NALF1: variants seen among roughly 807,000 people sequenced by gnomAD.
The protein encoded by NALF1 is NALCN channel auxiliary factor 1.
NALF1 carries 3 observed loss-of-function variants against 48.4 expected under a neutral mutation model. That is an observed-to-expected ratio of 0.06 (90% CI 0.03 to 0.16). NALF1 has a LOEUF of 0.16. Ranked by LOEUF, NALF1 falls within the 10% of genes least tolerant of loss-of-function variation. The pLI is 1.00. For synonymous variants in NALF1, 262 were observed against 245.7 expected (o/e 1.07, Z -0.62); for missense variants, 526 against 571.5 (o/e 0.92, Z 0.81).
intron 1 of NALF1, among the ~76,000 whole-genome samples, chr13:107,422,230 T>C (rs935779048): frequency 6.6e-6 from 1 of 152,076 alleles, no homozygotes; most frequent in Non-Finnish European, 1.5e-5. Flanking sequence ...CTGTTAGGAG[T>C]TTACTATTTA....
At chr13:107,238,647 A>G (rs186814942) in intron 1 of NALF1, among the ~76,000 whole-genome samples, 5 of 152,334 alleles carry the variant, frequency 3.3e-5, no homozygotes, top group African/African-American at 1.2e-4. Context: ...ATTAAGAAGA[A>G]AAGGGCTTTC....
intron 1 of NALF1, among the ~76,000 whole-genome samples, chr13:107,738,879 G>C: frequency 6.6e-6 from 1 of 152,002 alleles, no homozygotes. Flanking sequence ...TGCCAGGCTG[G>C]TCTCAAACTC....
At position 107,620,160 on chromosome 13, in the gene NALF1, T is replaced by C. The variant is rs138346451; in HGVS notation, c.915+245522A>G. ...CTAGGAGAAGAAAAAATAATGCCAA[T>C]GCTTAGCCAGGAAGCTTCTCATTGA... On this transcript the variant is annotated intron_variant, in intron 1 of 2. Coordinates refer to ENST00000375915, the MANE Select transcript of NALF1 (RefSeq NM_001080396.3). 2.2e-3 allele frequency among the ~76,000 whole-genome samples: 329 copies of C among 152,316 alleles called. 2 individuals carry two copies. The highest frequency in any genetic ancestry group is 7.6e-3 in the African/African-American group (314 of 41,578).
intron 1 of NALF1, among the ~76,000 whole-genome samples, chr13:107,518,322 T>A (rs970024428): frequency 9.8e-5 from 15 of 152,316 alleles, no homozygotes; most frequent in African/African-American, 3.6e-4. Context: ...TCTGCTTTCT[T>A]AATTGTTCAC....
chr13:107,450,749 A>G (rs1468308577), intron 1 of NALF1, among the ~76,000 whole-genome samples: 2 of 152,212 alleles, frequency 1.3e-5, no homozygotes, highest in Non-Finnish European at 2.9e-5. Flanking sequence ...AGGAGTCCTC[A>G]TTATTGCCAA....
At chr13:107,688,072 T>A (rs974179467) in intron 1 of NALF1, among the ~76,000 whole-genome samples, 2 of 152,362 alleles carry the variant, frequency 1.3e-5, no homozygotes, top group African/African-American at 4.8e-5. Flanking sequence ...TTATTAATTA[T>A]AATAGTGACT....
intron 1 of NALF1, among the ~76,000 whole-genome samples, chr13:107,322,002 C>G (rs1882265010): frequency 6.6e-6 from 1 of 152,076 alleles, no homozygotes; most frequent in South Asian, 2.1e-4. Context: ...TACCACCCAC[C>G]CTATTAGCTT....
At chr13:107,835,005 T>C (rs546676602) in intron 1 of NALF1, among the ~76,000 whole-genome samples, 1 of 152,348 alleles carries the variant, frequency 6.6e-6, no homozygotes, top group East Asian at 1.9e-4. Context: ...ATAAGGCAGC[T>C]GTCACATATA....
At chr13:107,837,081 G>A (rs913298078) in intron 1 of NALF1, among the ~76,000 whole-genome samples, 7 of 152,084 alleles carry the variant, frequency 4.6e-5, no homozygotes, top group African/African-American at 1.7e-4. Flanking sequence ...ATAGAGCTTG[G>A]ATGCATGTTC....
Position 107,170,566 on chromosome 13 carries a change from T to C in NALF1, c.1308A>G (p.Ala436=). The C allele has an allele frequency of 6.2e-7, 1 of 1,614,152 alleles. No homozygotes were observed. The highest frequency in any genetic ancestry group is 8.5e-7 in the Non-Finnish European group (1 of 1,180,034). The change falls in exon 3 of 3, where the codon GCA becomes GCG. Residue 436 remains alanine, a synonymous_variant. Transcript: ENST00000375915. ...CAAAGCTCAGTCCGGCTGTGTTCTG[T>C]GCTGCCGAGGCTGTGAGCACTGTGT... ...LLHTVLTASA[A]QNTAGLSFGG...
intron 1 of NALF1, among the ~76,000 whole-genome samples, chr13:107,342,935 G>A (rs1293415777): frequency 6.6e-6 from 1 of 151,994 alleles, no homozygotes; most frequent in Non-Finnish European, 1.5e-5. Context: ...AACAGGAGGA[G>A]ATCTTAACAC....
chr13:107,740,374 G>C (rs1876597993), intron 1 of NALF1, among the ~76,000 whole-genome samples: 1 of 152,130 alleles, frequency 6.6e-6, no homozygotes, highest in Non-Finnish European at 1.5e-5. Flanking sequence ...TGAGGCATCT[G>C]TTGGTAATAT....
At chr13:107,609,678 T>C (rs1439652946) in intron 1 of NALF1, among the ~76,000 whole-genome samples, 1 of 152,196 alleles carries the variant, frequency 6.6e-6, no homozygotes, top group Non-Finnish European at 1.5e-5. Context: ...TAAAGCCTCA[T>C]GAAATCCTCC....
chr13:107,783,238 TGGG>T (rs1420869355), intron 1 of NALF1, among the ~76,000 whole-genome samples: 2 of 37,484 alleles, frequency 5.3e-5, no homozygotes, highest in Non-Finnish European at 9.3e-5. Context: ...GGGAGGGAGG[TGGG>T]GGGGTCAGCC....
At chr13:107,674,101 A>T (rs1271097689) in intron 1 of NALF1, among the ~76,000 whole-genome samples, 1 of 152,096 alleles carries the variant, frequency 6.6e-6, no homozygotes, top group African/African-American at 2.4e-5. Context: ...TTAATATCTA[A>T]TCTGATTTCC....
intron 1 of NALF1, among the ~76,000 whole-genome samples, chr13:107,706,915 A>ATTT (rs1294681174): frequency 3.1e-5 from 3 of 97,820 alleles, no homozygotes; most frequent in East Asian, 3.4e-4. Context: ...AATCAAGGGC[A>ATTT]TTCTTTTTTT....
chr13:107,564,814 T>C (rs1877746739), intron 1 of NALF1, among the ~76,000 whole-genome samples: 1 of 152,190 alleles, frequency 6.6e-6, no homozygotes, highest in South Asian at 2.1e-4. Flanking sequence ...ACAGTTCAGC[T>C]AGCAGCAATA....
chr13:107,514,480 AT>A (rs1165919545), intron 1 of NALF1, among the ~76,000 whole-genome samples: 1 of 150,342 alleles, frequency 6.7e-6, no homozygotes, highest in South Asian at 2.1e-4. Flanking sequence ...CTATAAATCA[AT>A]TTTTTTTGGT....
chr13:107,391,526 A>G (rs1475540558), intron 1 of NALF1, among the ~76,000 whole-genome samples: 6 of 152,178 alleles, frequency 3.9e-5, no homozygotes, highest in Non-Finnish European at 8.8e-5. Context: ...TTCCAGATCC[A>G]GAAGATAATC....
Sources: gnomAD v4.1 joint callset for allele counts (sites outside exome capture counted in the v4.1 genomes callset) on GRCh38, gnomAD v4.1.1 for gene constraint, MANE v1.5 for transcripts, NCBI Gene and HGNC (gene_info 2026-07-23, HGNC 2026-07-21) for gene names.